PIP4P2: variants seen among roughly 807,000 people sequenced by gnomAD.
PIP4P2 encodes phosphatidylinositol-4,5-bisphosphate 4-phosphatase 2.
Under a neutral mutation model 33.3 loss-of-function variants are expected in PIP4P2, and 19 were observed. That is an observed-to-expected ratio of 0.57 (90% CI 0.40 to 0.84). PIP4P2 has a LOEUF of 0.84. PIP4P2 is among the 40% of genes least tolerant of loss of function. The probability of loss-of-function intolerance (pLI) is 0.00; values close to 1 mark genes in which losing one functional copy is unlikely to be tolerated. For synonymous variants in PIP4P2, 110 were observed against 111.9 expected, an observed-to-expected ratio of 0.98 and a Z score of 0.11; for missense variants, 270 against 324.7, an observed-to-expected ratio of 0.83 and a Z score of 1.29.
rs766214925 is a variant in PIP4P2, at chr8:91,021,451, T to C, written c.107-47A>G. 2.1e-5 allele frequency: 33 copies of C among 1,601,104 alleles called. No individual in the cohort carries two copies. In the South Asian group the frequency reaches 3.1e-4, roughly 15 times the overall value. On this transcript the variant is annotated intron_variant, in intron 1 of 6. Transcript: ENST00000285419. ...AATCAGAGTCTTGGAGAAATTACTA[T>C]GGCTGGTTTGAGTATAGAGGCAATA...
chr8:91,028,482 G>A (rs1055843847), intron 1 of PIP4P2, among the ~76,000 whole-genome samples: 8 of 152,180 alleles, frequency 5.3e-5, no homozygotes, highest in African/African-American at 1.4e-4. Flanking sequence ...GACTCAAAGC[G>A]GCTATCAAGT....
chr8:90,997,815 A>T lies in PIP4P2; in HGVS notation c.540-1071T>A, dbSNP rs117098147. Among the ~76,000 whole-genome samples, 762 of 152,238 alleles carry T rather than the reference A, an allele frequency of 5.0e-3. 5 individuals carry two copies. The highest frequency in any genetic ancestry group is 8.4e-3 in the Non-Finnish European group (571 of 67,964). On this transcript the variant is annotated intron_variant, in intron 5 of 6. Transcript: ENST00000285419. ...AATAAGTAAAATACAGAAATTCATCACTTACTAGGCATGATTTAGAAACAT... is the reference window on the plus strand; with the variant it reads ...AATAAGTAAAATACAGAAATTCATCTCTTACTAGGCATGATTTAGAAACAT...
At chr8:91,009,107 T>G (rs542612335) in intron 4 of PIP4P2, among the ~76,000 whole-genome samples, 1 of 152,138 alleles carries the variant, frequency 6.6e-6, no homozygotes, top group Non-Finnish European at 1.5e-5. Flanking sequence ...TTCCAACGAA[T>G]ACAATCATAT....
At position 91,009,164 on chromosome 8, in the gene PIP4P2, C is replaced by A. The variant is rs372959011; in HGVS notation, c.487-369G>T. 7.9e-5 allele frequency among the ~76,000 whole-genome samples: 12 copies of A among 152,144 alleles called. No homozygotes were observed. The South Asian group carries it at 1.0e-3, about 13-fold the overall frequency. On this transcript the variant is annotated intron_variant, in intron 4 of 6. Transcript: ENST00000285419. ...TTTTCTTTTAAGTCTTGAGGGCTGG[C>A]CTTTTAAATACTTGAATATTTAGAT...
At chr8:91,033,720 T>C (rs375333917) in intron 1 of PIP4P2, among the ~76,000 whole-genome samples, 37 of 152,190 alleles carry the variant, frequency 2.4e-4, no homozygotes, top group African/African-American at 8.7e-4. Context: ...GCACCTCCTC[T>C]ACCTCTTCTG....
At chr8:91,019,833 T>C (rs1447882002) in intron 3 of PIP4P2, among the ~76,000 whole-genome samples, 1 of 152,146 alleles carries the variant, frequency 6.6e-6, no homozygotes, top group Non-Finnish European at 1.5e-5. Context: ...CCCAAATTGC[T>C]AGGAATACAG....
chr8:91,021,168 C>A, intron 2 of PIP4P2, 88 bp downstream of exon 2: 1 of 1,478,414 alleles, frequency 6.8e-7, no homozygotes, highest in Non-Finnish European at 9.2e-7. Context: ...CCCACATATA[C>A]TTTTAAGTAA....
chr8:91,001,340 A>AGTC (rs1375428666), intron 5 of PIP4P2, among the ~76,000 whole-genome samples: 2 of 152,108 alleles, frequency 1.3e-5, no homozygotes, highest in African/African-American at 4.8e-5. Context: ...AATAGAGAAC[A>AGTC]GTCTATCACT....
At chr8:91,031,135 T>C (rs912203258) in intron 1 of PIP4P2, among the ~76,000 whole-genome samples, 4 of 152,222 alleles carry the variant, frequency 2.6e-5, no homozygotes, top group Non-Finnish European at 5.9e-5. Flanking sequence ...TAAGGGATGG[T>C]AGCAAATCCA....
rs1284866196 is a variant in PIP4P2, at chr8:91,020,145, T to C, written c.362+12A>G. ...AAATGAATGAATCAATGAATTAATC[T>C]TTATCTCTTACCAGTTGGGTCTTGG... On this transcript the variant is annotated intron_variant, in intron 3 of 6. Transcript: ENST00000285419. 1 of 1,611,106 alleles carries C rather than the reference T, an allele frequency of 6.2e-7. No homozygotes were observed. The highest frequency in any genetic ancestry group is 1.1e-5 in the South Asian group (1 of 90,958).
chr8:91,001,748 C>T (rs1811702700), intron 5 of PIP4P2, among the ~76,000 whole-genome samples: 1 of 151,872 alleles, frequency 6.6e-6, no homozygotes, highest in Admixed American at 6.6e-5. Context: ...GTTGATTATG[C>T]TTCTGGAATC....
intron 4 of PIP4P2, among the ~76,000 whole-genome samples, chr8:91,014,325 C>T (rs1277760262): frequency 1.3e-5 from 2 of 152,034 alleles, no homozygotes; most frequent in Non-Finnish European, 2.9e-5. Flanking sequence ...TCATAAAAAC[C>T]AAGATATGGA....
At chr8:91,001,709 G>A (rs753955577) in intron 5 of PIP4P2, among the ~76,000 whole-genome samples, 154 of 151,970 alleles carry the variant, frequency 1.0e-3, no homozygotes, top group South Asian at 1.9e-3. Context: ...GAAGTTTTTA[G>A]AGGTCTAATT....
intron 1 of PIP4P2, among the ~76,000 whole-genome samples, chr8:91,021,627 G>T (rs1027824345): frequency 6.6e-6 from 1 of 152,108 alleles, no homozygotes; most frequent in Admixed American, 6.6e-5. Flanking sequence ...AATCATGTTT[G>T]CCTAGGTCTA....
chr8:91,024,555 C>T lies in PIP4P2; in HGVS notation c.107-3151G>A, dbSNP rs576064456. Among the ~76,000 whole-genome samples, 6 of 152,220 alleles carry T rather than the reference C, an allele frequency of 3.9e-5. No homozygotes were observed. In the East Asian group the frequency reaches 1.2e-3, roughly 29 times the overall value. On this transcript the variant is annotated intron_variant, in intron 1 of 6. Transcript: ENST00000285419. ...CTTCTCACCTCAGCTTCCTCGGTAG[C>T]TGGGAATACAGGCATGCACCACCAT...
chr8:91,034,923 A>C (rs952825767), intron 1 of PIP4P2, among the ~76,000 whole-genome samples: 2 of 152,222 alleles, frequency 1.3e-5, no homozygotes, highest in Non-Finnish European at 2.9e-5. Context: ...ATAGTTAAAA[A>C]TGAACTAAGA....
At chr8:91,022,388 G>A (rs1206441630) in intron 1 of PIP4P2, among the ~76,000 whole-genome samples, 1 of 152,094 alleles carries the variant, frequency 6.6e-6, no homozygotes, top group African/African-American at 2.4e-5. Flanking sequence ...TGTTACAAAA[G>A]TCTGAGAAAA....
At chr8:91,030,965 T>C (rs372869421) in intron 1 of PIP4P2, among the ~76,000 whole-genome samples, 4 of 152,324 alleles carry the variant, frequency 2.6e-5, no homozygotes, top group South Asian at 4.1e-4. Context: ...GGTAAGGTCT[T>C]GAATCTGGGT....
intron 5 of PIP4P2, among the ~76,000 whole-genome samples, chr8:91,008,103 G>A (rs1028153868): frequency 6.6e-6 from 1 of 152,070 alleles, no homozygotes; most frequent in African/African-American, 2.4e-5. Context: ...ATACCTGTGA[G>A]TACAACTATA....
Sources: allele counts gnomAD v4.1 joint callset (sites outside exome capture counted in the v4.1 genomes callset), GRCh38; gene constraint gnomAD v4.1.1; transcripts MANE v1.5; gene names NCBI Gene and HGNC (gene_info 2026-07-23, HGNC 2026-07-21).